Variants in AMMECR1 observed in about 807,000 individuals in gnomAD.
AMMECR1 encodes the protein nuclear protein AMMECR1.
Under a neutral mutation model 22.5 loss-of-function variants are expected in AMMECR1, and 3 were observed. The ratio of observed to expected loss-of-function variants is 0.13; its 90% CI spans 0.06 to 0.35. AMMECR1 has a LOEUF of 0.35. Among genes scored for constraint, AMMECR1 ranks in the 10% least tolerant of loss-of-function variants. The pLI is 1.00. For synonymous variants in AMMECR1, 130 were observed against 116.7 expected, an observed-to-expected ratio of 1.11 and a Z score of -0.74; for missense variants, 235 against 278.7, an observed-to-expected ratio of 0.84 and a Z score of 1.12.
intron 1 of AMMECR1, among the ~76,000 whole-genome samples, chrX:110,272,400 A>C (rs2148202896): frequency 8.9e-6 from 1 of 111,972 alleles, no homozygotes; most frequent in East Asian, 2.8e-4. Context: ...ATGCCATTAA[A>C]AACTTGTATG....
chrX:110,431,739 A>G (rs925503893), intron 1 of AMMECR1, among the ~76,000 whole-genome samples: 1 of 111,701 alleles, frequency 9.0e-6, no homozygotes, highest in African/African-American at 3.3e-5. Flanking sequence ...TCTTTCTCAT[A>G]CGCCCTTGAC....
intron 1 of AMMECR1, among the ~76,000 whole-genome samples, chrX:110,433,518 T>C (rs912886519): frequency 1.3e-4 from 15 of 111,631 alleles, no homozygotes; most frequent in African/African-American, 4.9e-4. Context: ...CTGGAGCTCC[T>C]AATAAACACC....
At position 110,315,993 on chromosome X, in the gene AMMECR1, C is replaced by T. The variant is rs185969702; in HGVS notation, c.473+1606G>A. The stretch of plus-strand genomic sequence containing the variant: ...TGAATTGGCTAAATAAAAGTGTGGA[C>T]TTAGGATTTAAGCTTCTAGAATTAA... On this transcript the variant is annotated intron_variant, in intron 1 of 5. Transcript: ENST00000262844. 5.4e-3 allele frequency among the ~76,000 whole-genome samples: 604 copies of T among 112,362 alleles called. 5 individuals are homozygous for T. The highest frequency in any genetic ancestry group is 0.018 in the African/African-American group (554 of 30,941).
chrX:110,222,675 G>A (rs1289589431), intron 2 of AMMECR1, among the ~76,000 whole-genome samples: 2 of 105,333 alleles, frequency 1.9e-5, no homozygotes, highest in Non-Finnish European at 3.9e-5. Context: ...GAGAAAGGAA[G>A]AGAAAAGCAA....
intron 2 of AMMECR1, among the ~76,000 whole-genome samples, chrX:110,242,634 A>G (rs2067639258): frequency 8.9e-6 from 1 of 112,142 alleles, no homozygotes; most frequent in Admixed American, 9.5e-5. Flanking sequence ...GACTCTTTAA[A>G]TGAGAATTTT....
At chrX:110,358,033 A>G (rs1323378246) in intron 2 of AMMECR1, among the ~76,000 whole-genome samples, 2 of 111,939 alleles carry the variant, frequency 1.8e-5, no homozygotes, top group Non-Finnish European at 3.8e-5. Flanking sequence ...TTGAAAAAAA[A>G]TTCTTTGCCA....
At chrX:110,283,229 T>A (rs891909964) in intron 1 of AMMECR1, among the ~76,000 whole-genome samples, 1 of 112,069 alleles carries the variant, frequency 8.9e-6, no homozygotes, top group Non-Finnish European at 1.9e-5. Context: ...ACTGGATAAC[T>A]GTTCAAAACA....
chrX:110,417,036 T>TA (rs1242473468), intron 2 of AMMECR1, among the ~76,000 whole-genome samples: 1 of 112,595 alleles, frequency 8.9e-6, no homozygotes, highest in Non-Finnish European at 1.9e-5. Context: ...GGACTGTCAC[T>TA]ACTTTTCATT....
intron 2 of AMMECR1, among the ~76,000 whole-genome samples, chrX:110,373,411 G>C (rs1213333824): frequency 1.8e-5 from 2 of 111,609 alleles, no homozygotes; most frequent in Non-Finnish European, 3.8e-5. Context: ...CTCAGAGCAG[G>C]AACACAATGA....
chrX:110,284,735 T>A (rs919769139), intron 1 of AMMECR1, among the ~76,000 whole-genome samples: 2 of 110,588 alleles, frequency 1.8e-5, no homozygotes, highest in Non-Finnish European at 1.9e-5. Context: ...AAGGTTGGGG[T>A]GGAGAGGGGG....
upstream of AMMECR1, among the ~76,000 whole-genome samples, chrX:110,318,585 C>T (rs1236208099): frequency 9.0e-6 from 1 of 110,930 alleles, no homozygotes; most frequent in Non-Finnish European, 1.9e-5. Flanking sequence ...ATTAATGACA[C>T]TTAAGCCCAG....
At chrX:110,372,682 T>C (rs776946918) in intron 2 of AMMECR1, among the ~76,000 whole-genome samples, 1 of 111,908 alleles carries the variant, frequency 8.9e-6, no homozygotes, top group African/African-American at 3.2e-5. Context: ...CAACACAACT[T>C]AAAACACAGA....
At chrX:110,245,576 T>C (rs995314342) in intron 2 of AMMECR1, among the ~76,000 whole-genome samples, 1 of 110,996 alleles carries the variant, frequency 9.0e-6, no homozygotes, top group African/African-American at 3.3e-5. Flanking sequence ...AGAAGACACA[T>C]CTCAAAAGGA....
chrX:110,328,981 C>G (rs780022230), intron 2 of AMMECR1, among the ~76,000 whole-genome samples: 1 of 112,286 alleles, frequency 8.9e-6, no homozygotes, highest in South Asian at 3.7e-4. Flanking sequence ...GGGTACATAC[C>G]CAGTAATGGG....
At chrX:110,326,539 A>G (rs762357357) in intron 2 of AMMECR1, among the ~76,000 whole-genome samples, 14 of 111,744 alleles carry the variant, frequency 1.3e-4, no homozygotes, top group African/African-American at 9.8e-5. Context: ...CTTATGATCT[A>G]TCCTGAAGAA....
intron 1 of AMMECR1, among the ~76,000 whole-genome samples, chrX:110,309,748 T>A (rs1427643701): frequency 8.9e-6 from 1 of 112,217 alleles, no homozygotes; most frequent in South Asian, 3.7e-4. Flanking sequence ...ACAAAACAGA[T>A]CCAGCTTGAT....
intron 2 of AMMECR1, among the ~76,000 whole-genome samples, chrX:110,416,945 C>T (rs2068681827): frequency 8.9e-6 from 1 of 112,189 alleles, no homozygotes; most frequent in Non-Finnish European, 1.9e-5. Flanking sequence ...CTCCCGATAT[C>T]TTCATTTACT....
chrX:110,221,848 C>T (rs2067501923), intron 2 of AMMECR1, among the ~76,000 whole-genome samples: 1 of 110,090 alleles, frequency 9.1e-6, no homozygotes, highest in Non-Finnish European at 1.9e-5. Flanking sequence ...TGAAAAAATG[C>T]TCATCATCAC....
intron 2 of AMMECR1, among the ~76,000 whole-genome samples, chrX:110,366,080 T>C (rs1276415140): frequency 2.7e-5 from 3 of 111,631 alleles, no homozygotes; most frequent in Non-Finnish European, 5.6e-5. Context: ...CATGTGTTGG[T>C]TCCTGCCATG....
Sources: gnomAD v4.1 joint callset for allele counts (sites outside exome capture counted in the v4.1 genomes callset) on GRCh38, gnomAD v4.1.1 for gene constraint, MANE v1.5 for transcripts, NCBI Gene and HGNC (gene_info 2026-07-23, HGNC 2026-07-21) for gene names.